The following ABCC2 variants were observed in gnomAD, a reference collection of about 807,000 sequenced individuals.
ABCC2 encodes the protein ATP-binding cassette sub-family C member 2.
In ABCC2, 157 loss-of-function variants were observed where a neutral mutation model predicts 173.4. That is an observed-to-expected ratio of 0.91 (90% CI 0.80 to 1.03). The LOEUF is 1.03. ABCC2 is among the 50% of genes least tolerant of loss of function. The pLI is 0.00. For missense variants in ABCC2, 1,822 were observed against 1,852.3 expected (o/e 0.98, Z 0.30); for synonymous variants, 657 against 693.5 (o/e 0.95, Z 0.83).
chr10:99,831,778 A>G lies in ABCC2; in HGVS notation c.3051A>G (p.Ala1017=), dbSNP rs2038743708. ...SKIFNSTDYP[A]SQRDMRVGVY... is the part of the protein sequence containing the mutation. ...TCTTCAATAGCACCGACTATCCAGC[A>G]TCTCAGAGGGACATGAGAGTTGGAG... is the stretch of plus-strand genomic sequence containing the variant. The change falls in exon 22 of 32, where the codon GCA becomes GCG. Residue 1017 remains alanine, a synonymous_variant. Transcript: ENST00000647814. 6.2e-7 allele frequency: 1 copy of G among 1,614,096 alleles called. No homozygotes were observed. The highest frequency in any genetic ancestry group is 8.5e-7 in the Non-Finnish European group (1 of 1,180,046).
intron 17 of ABCC2, among the ~76,000 whole-genome samples, chr10:99,818,502 A>G (rs751515429): frequency 6.6e-6 from 1 of 152,268 alleles, no homozygotes; most frequent in Non-Finnish European, 1.5e-5. Context: ...AATTACATCC[A>G]TGAACAAAAT....
intron 16 of ABCC2, among the ~76,000 whole-genome samples, chr10:99,814,434 T>C (rs1360631918): frequency 2.4e-5 from 3 of 123,530 alleles, no homozygotes; most frequent in Admixed American, 1.6e-4. Flanking sequence ...CATATATGTG[T>C]ATACACACAT....
rs2038939120 is a variant in ABCC2, at chr10:99,841,247, C to T, written c.3615-720C>T. Among the ~76,000 whole-genome samples, 3 of 151,998 alleles carry T rather than the reference C, an allele frequency of 2.0e-5. No homozygotes were observed. The South Asian group carries it at 6.2e-4, about 32-fold the overall frequency. On this transcript the variant is annotated intron_variant, in intron 25 of 31. Coordinates refer to ENST00000647814, the MANE Select transcript of ABCC2 (RefSeq NM_000392.5). ...CCTGATCAAAAGAAGTCATTTGGAG[C>T]GTTCATTTAAAATGCAGATTTTTGG...
chr10:99,843,129 G>A (rs1395688906), intron 26 of ABCC2, among the ~76,000 whole-genome samples: 1 of 151,798 alleles, frequency 6.6e-6, no homozygotes, highest in Admixed American at 6.6e-5. Context: ...TTATTCACTA[G>A]AGTCACTTAG....
intron 16 of ABCC2, among the ~76,000 whole-genome samples, chr10:99,814,167 ATATACACACATGTATG>A (rs1186662484): frequency 5.9e-5 from 2 of 33,844 alleles, no homozygotes; most frequent in African/African-American, 1.1e-4. Flanking sequence ...ACACACGTAT[ATATACACACATGTATG>A]TATACACACA....
chr10:99,794,029 A>G (rs769261220), intron 5 of ABCC2, 30 bp downstream of exon 5: 1 of 1,533,462 alleles, frequency 6.5e-7, no homozygotes, highest in East Asian at 2.2e-5. Context: ...CATCTCATAT[A>G]TTACTTAATT....
chr10:99,833,874 CCATT>C (rs781539386), intron 23 of ABCC2, among the ~76,000 whole-genome samples: 4 of 152,204 alleles, frequency 2.6e-5, no homozygotes, highest in Non-Finnish European at 5.9e-5. Context: ...AACCATCCAT[CCATT>C]CATTCATTTT....
intron 25 of ABCC2, among the ~76,000 whole-genome samples, chr10:99,839,177 C>T (rs1590188466): frequency 2.5e-5 from 3 of 118,720 alleles, no homozygotes; most frequent in Middle Eastern, 6.8e-3. Context: ...GGCGGCTGGC[C>T]GGGCGGGGGG....
chr10:99,810,073 A>G, intron 13 of ABCC2, 61 bp from the exon 14 acceptor site: 1 of 1,503,800 alleles, frequency 6.6e-7, no homozygotes, highest in Non-Finnish European at 9.3e-7. Flanking sequence ...CAAAGTCAAA[A>G]TCTCTCTGCT....
chr10:99,814,611 A>G (rs1363971911), intron 16 of ABCC2, among the ~76,000 whole-genome samples: 7 of 105,968 alleles, frequency 6.6e-5, no homozygotes, highest in Admixed American at 1.7e-4. Flanking sequence ...ACATATGTGT[A>G]TATACACATA....
chr10:99,814,228 C>CAT lies in ABCC2; in HGVS notation c.2094+1085_2094+1086dup, dbSNP rs1412589477. ...ATACACACATGTGTATATATACACA[C>CAT]ATGTGTATATATGCACACACGTATG... On this transcript the variant is annotated intron_variant, in intron 16 of 31. Transcript: ENST00000647814. Among the ~76,000 whole-genome samples, 31 of 54,872 alleles carry CAT rather than the reference C, an allele frequency of 5.6e-4. 2 individuals carry two copies. The highest frequency in any genetic ancestry group is 2.2e-3 in the African/African-American group (28 of 12,580). 36.0% of individuals were successfully genotyped at this position (54,872 alleles called of 152,430 possible). A position where few individuals can be genotyped will look rare whatever the true frequency, so the allele number is the denominator to read the frequency against.
At chr10:99,802,705 T>A (rs1229832978) in intron 9 of ABCC2, among the ~76,000 whole-genome samples, 1 of 152,198 alleles carries the variant, frequency 6.6e-6, no homozygotes. Flanking sequence ...GGGCCACTTG[T>A]AGCCTGTACA....
rs755623694 is a variant in ABCC2, at chr10:99,813,151, G to C, written c.2094+7G>C. On this transcript the variant is annotated splice_region_variant and intron_variant, in intron 16 of 31. Transcript: ENST00000647814. ...CGGGCACATCACCATCAAGGTGAGA[G>C]GGAATGCCAATGCAAAAGCCTCTGA... is the stretch of plus-strand genomic sequence containing the variant. 1 of 1,613,238 alleles carries C rather than the reference G, an allele frequency of 6.2e-7. No homozygotes were observed. The highest frequency in any genetic ancestry group is 8.5e-7 in the Non-Finnish European group (1 of 1,179,610).
At chr10:99,819,055 T>A (rs747400937) in intron 18 of ABCC2, 34 bp from the exon 19 acceptor site, 1 of 1,613,014 alleles carries the variant, frequency 6.2e-7, no homozygotes, top group Non-Finnish European at 8.5e-7. Context: ...GGTGGACATA[T>A]GGTAATCAAC....
intron 3 of ABCC2, 70 bp from the exon 4 acceptor site, chr10:99,793,481 G>A: frequency 1.2e-6 from 2 of 1,601,354 alleles, no homozygotes; most frequent in Non-Finnish European, 1.7e-6. Context: ...CATGTTCTCT[G>A]ACATCCTTCT....
chr10:99,785,364 G>A (rs2037688508), intron 2 of ABCC2, among the ~76,000 whole-genome samples: 1 of 152,194 alleles, frequency 6.6e-6, no homozygotes, highest in African/African-American at 2.4e-5. Flanking sequence ...CCCAGGAGGG[G>A]CCAGGAGGGG....
At chr10:99,848,125 C>T (rs577165936) in intron 30 of ABCC2, among the ~76,000 whole-genome samples, 3 of 152,198 alleles carry the variant, frequency 2.0e-5, no homozygotes, top group African/African-American at 7.2e-5. Context: ...TTTAAAGGAT[C>T]CCCACGAGGC....
At chr10:99,789,641 G>A (rs1401892773) in intron 2 of ABCC2, among the ~76,000 whole-genome samples, 1 of 151,134 alleles carries the variant, frequency 6.6e-6, no homozygotes, top group African/African-American at 2.4e-5. Context: ...CTTGAACCTG[G>A]GAGGCGGAGG....
chr10:99,783,206 A>G (rs4919395), intron 1 of ABCC2, among the ~76,000 whole-genome samples: 88,141 of 151,988 alleles, frequency 0.58, 25,836 homozygotes, highest in East Asian at 0.77. Flanking sequence ...ATACTTTGCT[A>G]GTAGAAGGAA....
Sources: allele counts gnomAD v4.1 joint callset (sites outside exome capture counted in the v4.1 genomes callset), GRCh38; gene constraint gnomAD v4.1.1; transcripts MANE v1.5; gene names NCBI Gene and HGNC (gene_info 2026-07-23, HGNC 2026-07-21).